KCNN3: variants seen among roughly 807,000 people sequenced by gnomAD.
The protein encoded by KCNN3 is small conductance calcium-activated potassium channel protein 3.
A neutral mutation model predicts 62.9 loss-of-function variants in KCNN3; 16 were observed. That is an observed-to-expected ratio of 0.25 (90% CI 0.17 to 0.39). The LOEUF (loss-of-function observed/expected upper bound fraction) is 0.39, where lower values mean the gene tolerates loss of function less well. KCNN3 is among the 10% of genes least tolerant of loss of function. The pLI is 1.00. For synonymous variants in KCNN3, 370 were observed against 389.2 expected (o/e 0.95, Z 0.58); for missense variants, 599 against 949.4 (o/e 0.63, Z 4.85).
intron 1 of KCNN3, among the ~76,000 whole-genome samples, chr1:154,863,811 G>C (rs1427071286): frequency 6.6e-6 from 1 of 152,214 alleles, no homozygotes; most frequent in Non-Finnish European, 1.5e-5. Flanking sequence ...GGAGCACCTG[G>C]GTAATGCCGC....
At chr1:154,840,585 A>C (rs1168776929) in intron 1 of KCNN3, among the ~76,000 whole-genome samples, 1 of 152,240 alleles carries the variant, frequency 6.6e-6, no homozygotes, top group African/African-American at 2.4e-5. Flanking sequence ...AACTGCCTGC[A>C]GAGACAAAGA....
chr1:154,697,997 G>C lies in KCNN3; in HGVS notation c.*9979C>G, dbSNP rs910249139. 1 of 152,134 alleles carries C rather than the reference G, an allele frequency of 6.6e-6. No individual in the cohort carries two copies. The highest frequency in any genetic ancestry group is 2.4e-5 in the African/African-American group (1 of 41,410). The allele number at this position is 152,134 out of a possible 1,614,324, so 9.4% of individuals were successfully genotyped here. A position where few individuals can be genotyped will look rare whatever the true frequency, so the allele number is the denominator to read the frequency against. On this transcript the variant is annotated 3_prime_UTR_variant, in exon 8 of 8. Transcript: ENST00000271915. ...AGATGAAAGGTATTACTGTGTATAA[G>C]TATAAAGTACTATTATTTAGTAATC...
At chr1:154,780,320 G>A (rs1571268334) in intron 2 of KCNN3, among the ~76,000 whole-genome samples, 2 of 136,086 alleles carry the variant, frequency 1.5e-5, no homozygotes, top group South Asian at 2.5e-4. Context: ...AGCAAAATCT[G>A]TCATTAAAAT....
At chr1:154,842,629 ACCCCC>A (rs745306692) in intron 1 of KCNN3, among the ~76,000 whole-genome samples, 2 of 42,006 alleles carry the variant, frequency 4.8e-5, no homozygotes, top group South Asian at 1.6e-3. Flanking sequence ...TCATTCAGGG[ACCCCC>A]CCCCCGCCAC....
At chr1:154,761,322 G>A (rs991870912) in intron 3 of KCNN3, among the ~76,000 whole-genome samples, 5 of 152,126 alleles carry the variant, frequency 3.3e-5, no homozygotes, top group Admixed American at 2.6e-4. Context: ...ACAAAAATTA[G>A]CCGGGCATGG....
At chr1:154,787,853 C>G (rs1003672058) in intron 2 of KCNN3, among the ~76,000 whole-genome samples, 4 of 127,928 alleles carry the variant, frequency 3.1e-5, no homozygotes, top group African/African-American at 1.3e-4. Context: ...CACGCTGCCA[C>G]TTTCTCTGTC....
Position 154,869,027 on chromosome 1 carries a change from C to G in KCNN3, c.933+5G>C. On this transcript the variant is annotated splice_donor_5th_base_variant and intron_variant, in intron 1 of 7. Transcript: ENST00000271915. This position sits in a 1 kb window ranked among gnomAD's most constrained non-coding sequence, Gnocchi z 6.1. ...CAAGGTATAAAGAGAAACCACAGCCCCTACCTTTGAGTACAAACCCCAAGA... is the reference window on the plus strand; with the variant it reads ...CAAGGTATAAAGAGAAACCACAGCCGCTACCTTTGAGTACAAACCCCAAGA... The G allele has an allele frequency of 6.2e-7, 1 of 1,613,930 alleles. No individual in the cohort carries two copies. The highest frequency in any genetic ancestry group is 8.5e-7 in the Non-Finnish European group (1 of 1,179,922).
At chr1:154,742,955 C>T (rs970586750) in intron 3 of KCNN3, among the ~76,000 whole-genome samples, 7 of 152,214 alleles carry the variant, frequency 4.6e-5, no homozygotes, top group African/African-American at 1.4e-4. Context: ...TTTTAATCTT[C>T]GCTGTTCTTC....
rs898754582 is a variant in KCNN3 at position 154,813,403 on chromosome 1, C to T, written c.1029+8686G>A. ...CACATAGCTGGGTGGATTCAGCCTCCCGGGCCGCCTCCTCTTCCTGGGAGG... is the reference window on the plus strand; with the variant it reads ...CACATAGCTGGGTGGATTCAGCCTCTCGGGCCGCCTCCTCTTCCTGGGAGG... On this transcript the variant is annotated intron_variant, in intron 2 of 7. Coordinates refer to ENST00000271915, the MANE Select transcript of KCNN3 (RefSeq NM_002249.6). Among the ~76,000 whole-genome samples the T allele has an allele frequency of 6.6e-5, 10 of 152,190 alleles. No homozygotes were observed. The East Asian group carries it at 1.2e-3, about 18-fold the overall frequency.
At chr1:154,754,802 T>G (rs1429989060) in intron 3 of KCNN3, among the ~76,000 whole-genome samples, 1 of 152,216 alleles carries the variant, frequency 6.6e-6, no homozygotes, top group Non-Finnish European at 1.5e-5. Context: ...TTGTTTAAGC[T>G]ATTGTTGTTT....
chr1:154,718,577 T>C (rs1700279730), intron 5 of KCNN3, among the ~76,000 whole-genome samples: 1 of 152,218 alleles, frequency 6.6e-6, no homozygotes, highest in South Asian at 2.1e-4. Context: ...TGAGGAACAA[T>C]TAATGAGCAC....
chr1:154,838,169 G>A (rs1651677890), intron 1 of KCNN3, among the ~76,000 whole-genome samples: 1 of 152,148 alleles, frequency 6.6e-6, no homozygotes, highest in Non-Finnish European at 1.5e-5. Context: ...GGCCACGGGT[G>A]TGGAGAACGT....
chr1:154,719,489 G>T (rs1700301153), intron 5 of KCNN3, among the ~76,000 whole-genome samples: 1 of 152,134 alleles, frequency 6.6e-6, no homozygotes, highest in Admixed American at 6.5e-5. Flanking sequence ...ATCACTAGGG[G>T]AGAGGAATTT....
At position 154,809,737 on chromosome 1, in the gene KCNN3, G is replaced by T. The variant is rs1166901014; in HGVS notation, c.1029+12352C>A. On this transcript the variant is annotated intron_variant, in intron 2 of 7. Transcript: ENST00000271915. This position sits in a 1 kb window ranked among gnomAD's most constrained non-coding sequence, Gnocchi z 4.3. ...GTAACAGAAGAAAATGAAAGGTACA[G>T]TTCTCACCTAAAAAGCCAACGGTAT... Among the ~76,000 whole-genome samples the T allele has an allele frequency of 6.6e-6, 1 of 152,186 alleles. No individual in the cohort carries two copies. Among genetic ancestry groups the T allele is most frequent in the African/African-American group, 2.4e-5 (1 of 41,440 alleles).
chr1:154,866,185 G>A (rs1652949373), intron 1 of KCNN3, among the ~76,000 whole-genome samples: 1 of 152,034 alleles, frequency 6.6e-6, no homozygotes, highest in South Asian at 2.1e-4. Flanking sequence ...TCCCTTCTCA[G>A]GACTTCTTCC....
chr1:154,837,942 C>T (rs1226135152), intron 1 of KCNN3, among the ~76,000 whole-genome samples: 5 of 152,126 alleles, frequency 3.3e-5, no homozygotes, highest in South Asian at 4.1e-4. Context: ...CTGAGGTCAG[C>T]GGGGAGGAAG....
chr1:154,729,006 G>C (rs1700533715), intron 4 of KCNN3, among the ~76,000 whole-genome samples: 1 of 152,200 alleles, frequency 6.6e-6, no homozygotes, highest in South Asian at 2.1e-4. Flanking sequence ...TTTCACTTAG[G>C]TGAGTTAATA....
chr1:154,825,784 C>G (rs1651085171), intron 1 of KCNN3, among the ~76,000 whole-genome samples: 1 of 151,858 alleles, frequency 6.6e-6, no homozygotes, highest in Admixed American at 6.6e-5. Context: ...CACTTCTGCA[C>G]ACGGCCGTAA....
intron 3 of KCNN3, among the ~76,000 whole-genome samples, chr1:154,761,965 A>G (rs1479030682): frequency 3.9e-5 from 4 of 102,618 alleles, no homozygotes; most frequent in African/African-American, 1.2e-4. Flanking sequence ...AGTAACAAAC[A>G]AACAAACAAA....
Sources: allele counts gnomAD v4.1 joint callset (sites outside exome capture counted in the v4.1 genomes callset), GRCh38; gene constraint gnomAD v4.1.1; non-coding constraint Gnocchi (gnomAD v3.1); transcripts MANE v1.5; gene names NCBI Gene and HGNC (gene_info 2026-07-23, HGNC 2026-07-21).